ASAP1: variants seen among roughly 807,000 people sequenced by gnomAD.
The protein encoded by ASAP1 is ArfGAP with SH3 domain, ankyrin repeat and PH domain 1.
ASAP1 carries 43 observed loss-of-function variants against 145.2 expected under a neutral mutation model. The observed-to-expected ratio is 0.30, with a 90% CI of 0.23 to 0.38. ASAP1 has a LOEUF of 0.38. ASAP1 is among the 10% of genes least tolerant of loss of function. The probability of loss-of-function intolerance (pLI) is 1.00; values close to 1 mark genes in which losing one functional copy is unlikely to be tolerated. For synonymous variants in ASAP1, 546 were observed against 515.5 expected, an observed-to-expected ratio of 1.06 and a Z score of -0.80; for missense variants, 1,018 against 1,355.3, an observed-to-expected ratio of 0.75 and a Z score of 3.91.
At chr8:130,179,498 G>A in intron 8 of ASAP1, 149 bp from the exon 9 acceptor site, 1 of 532,954 alleles carries the variant, frequency 1.9e-6, no homozygotes, top group Non-Finnish European at 3.4e-6. Flanking sequence ...TGATTTCGCA[G>A]TCACAAAGTG....
rs1287632034 is a variant in ASAP1 at position 130,358,611 on chromosome 8, CGGCGGGCGGGCG to C, written c.60-480_60-469del. 2.8e-5 allele frequency among the ~76,000 whole-genome samples: 4 copies of C among 144,988 alleles called. No homozygotes were observed. Among genetic ancestry groups the C allele is most frequent in the East Asian group, 4.1e-4 (2 of 4,898 alleles). On this transcript the variant is annotated intron_variant, in intron 2 of 29. Coordinates refer to ENST00000518721, the MANE Select transcript of ASAP1 (RefSeq NM_018482.4). The surrounding 1 kb of genome is among the most constrained non-coding windows in gnomAD (Gnocchi z 4.1). ...CTGACTGACTGAGCGCACACTCCCGCGGCGGGCGGGCGGGCGGGCGGCGCTCGCGCTGCAGTC... is the reference window on the plus strand; with the variant it reads ...CTGACTGACTGAGCGCACACTCCCGCGGCGGGCGGCGCTCGCGCTGCAGTC...
At position 130,214,831 on chromosome 8, in the gene ASAP1, T is replaced by A. The variant is rs1024565936; in HGVS notation, c.260-130A>T. On this transcript the variant is annotated intron_variant, in intron 4 of 29. Coordinates refer to ENST00000518721, the MANE Select transcript of ASAP1 (RefSeq NM_018482.4). Reference sequence around the variant, plus strand: ...CTGTATCAATTATTTATTGCACATGTCCCAAAGGTTAGGTTAGGAGTACAC... The same window carrying A: ...CTGTATCAATTATTTATTGCACATGACCCAAAGGTTAGGTTAGGAGTACAC... 3.0e-5 allele frequency: 22 copies of A among 738,930 alleles called. No individual in the cohort carries two copies. The African/African-American group carries it at 3.9e-4, about 13-fold the overall frequency. The allele number at this position is 738,930 out of a possible 1,614,324, so 45.8% of individuals were successfully genotyped here.
At chr8:130,256,761 A>T (rs945866101) in intron 3 of ASAP1, among the ~76,000 whole-genome samples, 1 of 98,152 alleles carries the variant, frequency 1.0e-5, no homozygotes, top group African/African-American at 3.5e-5. Flanking sequence ...ATATATATAT[A>T]TATATATATA....
Position 130,116,925 on chromosome 8 carries a change from C to G in ASAP1, c.1951G>C (p.Glu651Gln). Residue 651 changes from glutamate to glutamine, a missense_variant, in exon 21 of 30, where the codon GAG (glutamate) becomes CAG (glutamine). This residue lies in a region of ASAP1 where 353 missense variants were observed against 375.4 expected (regional missense o/e 0.94). Transcript: ENST00000518721. ...CTCCTGAGCAAAAGCTTCAAACACT[C>G]AGGTTTACTGTACATACTACAGTAG... ...LHYCSMYSKP[E>Q]CLKLLLRSKP... is the part of the protein sequence containing the mutation. The G allele has an allele frequency of 6.2e-7, 1 of 1,614,084 alleles. No homozygotes were observed.
chr8:130,425,853 C>T (rs1565306272), intron 1 of ASAP1, among the ~76,000 whole-genome samples: 1 of 152,212 alleles, frequency 6.6e-6, no homozygotes, highest in Non-Finnish European at 1.5e-5. Context: ...AATCTCCCTA[C>T]AATGGCCAAG....
intron 3 of ASAP1, among the ~76,000 whole-genome samples, chr8:130,258,646 T>C (rs1819711849): frequency 6.6e-6 from 1 of 152,158 alleles, no homozygotes; most frequent in African/African-American, 2.4e-5. Flanking sequence ...TCCCACTATT[T>C]TACAGGGTGA....
intron 15 of ASAP1, among the ~76,000 whole-genome samples, chr8:130,131,881 C>T (rs991129244): frequency 2.0e-5 from 3 of 152,138 alleles, no homozygotes; most frequent in African/African-American, 7.2e-5. Flanking sequence ...TGTTAAGTCT[C>T]ACGGGCAGGA....
rs571006632 is a variant in ASAP1 at position 130,094,761 on chromosome 8, A to G, written c.2402-2618T>C. ...CAGAGCAGCATTTCCTGTGCTTGGC[A>G]TATGAGGAAAACAACAACAAATGCT... is the stretch of plus-strand genomic sequence containing the variant. On this transcript the variant is annotated intron_variant, in intron 24 of 29. Coordinates refer to ENST00000518721, the MANE Select transcript of ASAP1 (RefSeq NM_018482.4). Among the ~76,000 whole-genome samples the G allele has an allele frequency of 3.9e-5, 6 of 152,332 alleles. No individual in the cohort carries two copies. The East Asian group carries it at 1.2e-3, about 29-fold the overall frequency.
chr8:130,072,831 G>GTGTGCGTGCGCGCGCGCGCGCGCAC (rs58907739), intron 27 of ASAP1, among the ~76,000 whole-genome samples: 6 of 110,704 alleles, frequency 5.4e-5, no homozygotes, highest in South Asian at 2.6e-4. Context: ...GTGTGCGCGC[G>GTGTGCGTGCGCGCGCGCGCGCGCAC]GGGGGGGGCA....
chr8:130,181,082 AACTCTCTT>A (rs1229464925), intron 7 of ASAP1, among the ~76,000 whole-genome samples: 6 of 151,990 alleles, frequency 3.9e-5, no homozygotes, highest in African/African-American at 1.5e-4. Context: ...AGCATATGGG[AACTCTCTT>A]GTATCTTCTG....
At chr8:130,365,046 G>T (rs1239329067) in intron 2 of ASAP1, among the ~76,000 whole-genome samples, 4 of 152,138 alleles carry the variant, frequency 2.6e-5, no homozygotes, top group Non-Finnish European at 5.9e-5. Context: ...ATCAATCCCT[G>T]ACAGCATTCA....
chr8:130,413,363 T>C (rs1829344830), intron 1 of ASAP1, among the ~76,000 whole-genome samples: 1 of 152,226 alleles, frequency 6.6e-6, no homozygotes, highest in South Asian at 2.1e-4. Flanking sequence ...ACCACACTCT[T>C]TGTAATTACC....
chr8:130,057,366 C>T (rs1178196255), intron 29 of ASAP1, among the ~76,000 whole-genome samples: 2 of 152,180 alleles, frequency 1.3e-5, no homozygotes, highest in Non-Finnish European at 2.9e-5. Context: ...TCAGAAAATG[C>T]CTACAACTCA....
intron 24 of ASAP1, among the ~76,000 whole-genome samples, chr8:130,099,144 G>C (rs1279134680): frequency 6.6e-6 from 1 of 150,586 alleles, no homozygotes; most frequent in Non-Finnish European, 1.5e-5. Flanking sequence ...CTGCCCAGTA[G>C]CTGGGACTAT....
intron 27 of ASAP1, among the ~76,000 whole-genome samples, chr8:130,064,940 TCA>T (rs2097427531): frequency 6.8e-6 from 1 of 147,616 alleles, no homozygotes; most frequent in African/African-American, 2.5e-5. Flanking sequence ...TGTGTAAGAA[TCA>T]CAGCTCACTG....
chr8:130,260,985 A>G (rs1236169519), intron 3 of ASAP1, among the ~76,000 whole-genome samples: 1 of 152,124 alleles, frequency 6.6e-6, no homozygotes, highest in Non-Finnish European at 1.5e-5. Context: ...TTCATTCCTC[A>G]ATCAACTTTA....
At chr8:130,280,175 T>C (rs1026348340) in intron 3 of ASAP1, among the ~76,000 whole-genome samples, 48 of 152,334 alleles carry the variant, frequency 3.2e-4, no homozygotes, top group Non-Finnish European at 6.3e-4. Context: ...CAGCTGGAAC[T>C]GAACAAAGAT....
intron 1 of ASAP1, among the ~76,000 whole-genome samples, chr8:130,431,828 A>T (rs953737780): frequency 6.9e-6 from 1 of 145,278 alleles, no homozygotes; most frequent in Non-Finnish European, 1.5e-5. Flanking sequence ...GAGTAGGGAG[A>T]GGTGAAGGAG....
In ASAP1 at chr8:130,085,457, G is replaced by C. The variant is rs140258532; in HGVS notation, c.2573-5486C>G. On this transcript the variant is annotated intron_variant, in intron 25 of 29. Transcript: ENST00000518721. The stretch of plus-strand genomic sequence containing the variant: ...AGGTTATTAAAGAAAGAGGAGGACC[G>C]GGTGAAGAGGCTCACGCCTGTAATC... 2.8e-3 allele frequency among the ~76,000 whole-genome samples: 431 copies of C among 152,248 alleles called. 1 individual carries two copies. The highest frequency in any genetic ancestry group is 0.01 in the African/African-American group (417 of 41,538).
Sources: allele counts gnomAD v4.1 joint callset (sites outside exome capture counted in the v4.1 genomes callset), GRCh38; gene constraint gnomAD v4.1.1; regional missense constraint gnomAD v4.1.1; non-coding constraint Gnocchi (gnomAD v3.1); transcripts MANE v1.5; gene names NCBI Gene and HGNC (gene_info 2026-07-23, HGNC 2026-07-21).